Variants in LRRC4C observed in about 807,000 individuals in gnomAD.
LRRC4C encodes leucine rich repeat containing 4C.
LRRC4C carries 5 observed loss-of-function variants against 33.6 expected under a neutral mutation model. That is an observed-to-expected ratio of 0.15 (90% CI 0.08 to 0.31). The LOEUF (loss-of-function observed/expected upper bound fraction) is 0.31, where lower values mean the gene tolerates loss of function less well. LRRC4C is among the 10% of genes least tolerant of loss of function. LRRC4C has a pLI of 1.00. For missense variants in LRRC4C, 560 were observed against 796.7 expected (o/e 0.70, Z 3.58); for synonymous variants, 329 against 302.0 (o/e 1.09, Z -0.93).
At chr11:41,282,571 T>A (rs1949708206) in intron 1 of LRRC4C, among the ~76,000 whole-genome samples, 1 of 152,162 alleles carries the variant, frequency 6.6e-6, no homozygotes, top group South Asian at 2.1e-4. Flanking sequence ...AAGACAGTCC[T>A]CCTCCTAACA....
intron 6 of LRRC4C, among the ~76,000 whole-genome samples, chr11:40,136,114 A>C (rs2134887924): frequency 6.6e-6 from 1 of 152,214 alleles, no homozygotes; most frequent in South Asian, 2.1e-4. Context: ...TTCCACACCC[A>C]TGCATGTAAG....
intron 1 of LRRC4C, among the ~76,000 whole-genome samples, chr11:40,969,346 T>G (rs1851563699): frequency 6.6e-6 from 1 of 152,126 alleles, no homozygotes; most frequent in African/African-American, 2.4e-5. Flanking sequence ...GCTGTGAATA[T>G]TTTTGAAATG....
At position 40,304,875 on chromosome 11, in the gene LRRC4C, C is replaced by T. The variant is rs114673763; in HGVS notation, c.-176+14753G>A. Among the ~76,000 whole-genome samples the T allele has an allele frequency of 5.1e-3, 780 of 152,222 alleles. 9 individuals are homozygous for T. Among genetic ancestry groups the T allele is most frequent in the African/African-American group, 0.018 (739 of 41,532 alleles). ...ACTCCAGTTCAGATCCTGAGCACTC[C>T]TGCCTCAGCCTCCCAAGTAGCTAGG... On this transcript the variant is annotated intron_variant, in intron 4 of 6. Coordinates refer to ENST00000528697, the MANE Select transcript of LRRC4C (RefSeq NM_001258419.2).
At chr11:40,248,282 A>G (rs573838597) in intron 4 of LRRC4C, among the ~76,000 whole-genome samples, 1 of 152,202 alleles carries the variant, frequency 6.6e-6, no homozygotes, top group South Asian at 2.1e-4. Context: ...TGTTCCTAAG[A>G]TAGTACTTAT....
intron 1 of LRRC4C, among the ~76,000 whole-genome samples, chr11:41,438,034 A>G (rs7130577): frequency 0.57 from 83,725 of 147,830 alleles, 23,722 homozygotes; most frequent in Non-Finnish European, 0.61. Context: ...ACAAAACTCC[A>G]TCTCAAATAA....
intron 3 of LRRC4C, among the ~76,000 whole-genome samples, chr11:40,628,996 G>T (rs562443638): frequency 2.6e-4 from 40 of 152,242 alleles, no homozygotes; most frequent in African/African-American, 8.4e-4. Context: ...ACAAACGTTT[G>T]CCTATTGGGG....
At chr11:40,556,579 TG>T in intron 3 of LRRC4C, among the ~76,000 whole-genome samples, 1 of 152,336 alleles carries the variant, frequency 6.6e-6, no homozygotes, top group South Asian at 2.1e-4. Flanking sequence ...TTTCTGTGTC[TG>T]CTACAGATTG....
At chr11:40,393,194 T>A (rs887376363) in intron 3 of LRRC4C, among the ~76,000 whole-genome samples, 2 of 152,148 alleles carry the variant, frequency 1.3e-5, no homozygotes, top group African/African-American at 4.8e-5. Context: ...GGGATTGGAA[T>A]ATTTCAGGGA....
chr11:41,131,882 C>T (rs997549528), intron 1 of LRRC4C, among the ~76,000 whole-genome samples: 1 of 152,122 alleles, frequency 6.6e-6, no homozygotes. Context: ...GCCATGACAA[C>T]ATCCAGAAGT....
intron 2 of LRRC4C, among the ~76,000 whole-genome samples, chr11:40,708,671 GAGA>G (rs1481913269): frequency 1.3e-5 from 2 of 152,210 alleles, no homozygotes; most frequent in Non-Finnish European, 2.9e-5. Context: ...ATGTGGTGCT[GAGA>G]AGAATGTATA....
intron 1 of LRRC4C, among the ~76,000 whole-genome samples, chr11:41,132,614 T>C (rs1943067450): frequency 6.6e-6 from 1 of 152,122 alleles, no homozygotes; most frequent in African/African-American, 2.4e-5. Context: ...TGCTGGAAAT[T>C]AAAACACAAA....
intron 3 of LRRC4C, among the ~76,000 whole-genome samples, chr11:40,523,976 A>T (rs146988348): frequency 9.9e-4 from 151 of 152,238 alleles, no homozygotes; most frequent in African/African-American, 3.3e-3. Context: ...TTTCTTCGCA[A>T]ATAAAACAAT....
At chr11:40,190,083 G>A (rs1861713025) in intron 5 of LRRC4C, among the ~76,000 whole-genome samples, 1 of 152,022 alleles carries the variant, frequency 6.6e-6, no homozygotes, top group African/African-American at 2.4e-5. Context: ...CTGTTAAAGT[G>A]AAAAAAAGCT....
At chr11:41,056,611 G>C (rs1169445141) in intron 1 of LRRC4C, among the ~76,000 whole-genome samples, 1 of 152,032 alleles carries the variant, frequency 6.6e-6, no homozygotes, top group Non-Finnish European at 1.5e-5. Flanking sequence ...GACATGAACA[G>C]ACACATTTCA....
intron 2 of LRRC4C, among the ~76,000 whole-genome samples, chr11:40,931,632 C>T (rs529769775): frequency 6.6e-6 from 1 of 151,802 alleles, no homozygotes; most frequent in Non-Finnish European, 1.5e-5. Context: ...TCATAATGCA[C>T]TAAAGTAGCC....
chr11:41,221,493 A>G (rs142735025), intron 1 of LRRC4C, among the ~76,000 whole-genome samples: 6,322 of 152,200 alleles, frequency 0.042, 451 homozygotes, highest in African/African-American at 0.14. Flanking sequence ...ACAGTGTGGC[A>G]ATTCCTCAAA....
chr11:40,934,780 C>A lies in LRRC4C; in HGVS notation c.-495-1057G>T, dbSNP rs987302746. Among the ~76,000 whole-genome samples, 3 of 152,134 alleles carry A rather than the reference C, an allele frequency of 2.0e-5. 1 individual carries two copies. In the East Asian group the frequency reaches 5.8e-4, roughly 29 times the overall value. Reference sequence around the variant, plus strand: ...TTATGACTGAAATACTATTTACACACCTGGAATTGACAGATTTATATTTTA... The same window carrying A: ...TTATGACTGAAATACTATTTACACAACTGGAATTGACAGATTTATATTTTA... On this transcript the variant is annotated intron_variant, in intron 1 of 6. Transcript: ENST00000528697.
At chr11:40,133,319 A>G (rs1273630930) in intron 6 of LRRC4C, among the ~76,000 whole-genome samples, 1 of 152,330 alleles carries the variant, frequency 6.6e-6, no homozygotes, top group East Asian at 1.9e-4. Flanking sequence ...TCCGAAGAGA[A>G]CAAATATCAT....
At chr11:40,782,088 A>C (rs1263844766) in intron 2 of LRRC4C, among the ~76,000 whole-genome samples, 1 of 152,172 alleles carries the variant, frequency 6.6e-6, no homozygotes, top group Non-Finnish European at 1.5e-5. Flanking sequence ...CTTCCTTAAA[A>C]TGGGCATTAC....
Sources: gnomAD v4.1 joint callset for allele counts (sites outside exome capture counted in the v4.1 genomes callset) on GRCh38, gnomAD v4.1.1 for gene constraint, MANE v1.5 for transcripts, NCBI Gene and HGNC (gene_info 2026-07-23, HGNC 2026-07-21) for gene names.